Variants in RPS6KC1 observed in about 807,000 individuals in gnomAD.
The protein encoded by RPS6KC1 is ribosomal protein S6 kinase C1, also known as inactive ribosomal protein S6 kinase delta-1.
In RPS6KC1, 54 loss-of-function variants were observed where a neutral mutation model predicts 103.8. That is an observed-to-expected ratio of 0.52 (90% CI 0.42 to 0.65). The LOEUF (loss-of-function observed/expected upper bound fraction) is 0.65. Among genes scored for constraint, RPS6KC1 ranks in the 30% least tolerant of loss-of-function variants. RPS6KC1 has a pLI of 0.00. For missense variants in RPS6KC1, 1,151 were observed against 1,253.8 expected, an observed-to-expected ratio of 0.92 and a Z score of 1.24; for synonymous variants, 439 against 438.7, an observed-to-expected ratio of 1.00 and a Z score of -0.01.
the RPS6KC1 span, among the ~76,000 whole-genome samples, chr1:213,431,679 G>T: frequency 6.6e-6 from 1 of 151,808 alleles, no homozygotes; most frequent in African/African-American, 2.4e-5. Flanking sequence ...GTGTGTGTGT[G>T]TGTGTGTTAC....
At chr1:213,685,593 A>G in the RPS6KC1 span, among the ~76,000 whole-genome samples, 2 of 151,292 alleles carry the variant, frequency 1.3e-5, no homozygotes, top group Admixed American at 1.3e-4. Context: ...TTGTGCCACT[A>G]CACTGTAGCC....
chr1:213,456,184 G>A, the RPS6KC1 span, among the ~76,000 whole-genome samples: 1 of 152,268 alleles, frequency 6.6e-6, no homozygotes, highest in African/African-American at 2.4e-5. Flanking sequence ...TGTGCGTCCC[G>A]TGCAGCATGT....
chr1:213,520,061 T>C, the RPS6KC1 span, among the ~76,000 whole-genome samples: 8,182 of 152,232 alleles, frequency 0.054, 361 homozygotes, highest in African/African-American at 0.13. Context: ...TCCAAACCAA[T>C]GGTGGTTCTT....
rs2082299815 is a variant in RPS6KC1, at chr1:213,104,574, G to A, written c.378+5G>A. On this transcript the variant is annotated splice_donor_5th_base_variant and intron_variant, in intron 4 of 14. Coordinates refer to ENST00000366960, the MANE Select transcript of RPS6KC1 (RefSeq NM_012424.6). ...CAGCTTGAAGACTTTTTCAAGGTTT[G>A]GTAGTCTTTCTGGAATATTTTATAT... is the stretch of plus-strand genomic sequence containing the variant. 1 of 1,481,236 alleles carries A rather than the reference G, an allele frequency of 6.8e-7. No homozygotes were observed. Among genetic ancestry groups the A allele is most frequent in the Non-Finnish European group, 9.3e-7 (1 of 1,073,392 alleles). 91.8% of individuals were successfully genotyped at this position (1,481,236 alleles called of 1,614,324 possible). A position where few individuals can be genotyped will look rare whatever the true frequency, so the allele number is the denominator to read the frequency against.
At chr1:213,419,875 C>G in the RPS6KC1 span, among the ~76,000 whole-genome samples, 1 of 152,218 alleles carries the variant, frequency 6.6e-6, no homozygotes, top group Non-Finnish European at 1.5e-5. Flanking sequence ...CTGCACAGCA[C>G]AGCAGGGTCT....
chr1:213,101,141 G>A (rs536088515), intron 3 of RPS6KC1, among the ~76,000 whole-genome samples: 1 of 152,214 alleles, frequency 6.6e-6, no homozygotes, highest in South Asian at 2.1e-4. Context: ...ATGAGGTGGT[G>A]TCTCATTATG....
intron 8 of RPS6KC1, among the ~76,000 whole-genome samples, chr1:213,189,496 C>G (rs894875505): frequency 6.8e-6 from 1 of 146,342 alleles, no homozygotes. Context: ...CCTCACACTT[C>G]TTAAATTTTT....
intron 1 of RPS6KC1, among the ~76,000 whole-genome samples, chr1:213,065,255 T>C (rs1051137172): frequency 6.6e-6 from 1 of 151,826 alleles, no homozygotes; most frequent in South Asian, 2.1e-4. Context: ...GATTACAGGC[T>C]TGAGCCATCG....
chr1:213,363,362 T>C, the RPS6KC1 span, among the ~76,000 whole-genome samples: 1 of 152,176 alleles, frequency 6.6e-6, no homozygotes, highest in Non-Finnish European at 1.5e-5. Context: ...TCACAAGAAG[T>C]CTGGTGGTAT....
At chr1:213,322,501 A>G in the RPS6KC1 span, among the ~76,000 whole-genome samples, 1 of 152,216 alleles carries the variant, frequency 6.6e-6, no homozygotes, top group African/African-American at 2.4e-5. Flanking sequence ...ACCAGTAAGA[A>G]GGGTGTATTA....
chr1:213,644,309 T>G, the RPS6KC1 span, among the ~76,000 whole-genome samples: 10 of 152,222 alleles, frequency 6.6e-5, no homozygotes, highest in East Asian at 1.9e-3. Context: ...GTCTTCTCCA[T>G]TATCAACATC....
chr1:213,195,534 T>C (rs542007317), intron 8 of RPS6KC1, among the ~76,000 whole-genome samples: 1 of 152,196 alleles, frequency 6.6e-6, no homozygotes, highest in Non-Finnish European at 1.5e-5. Flanking sequence ...TTAGTGGTGA[T>C]TTCTGAGATT....
At chr1:213,449,265 C>T in the RPS6KC1 span, among the ~76,000 whole-genome samples, 1 of 151,644 alleles carries the variant, frequency 6.6e-6, no homozygotes, top group Non-Finnish European at 1.5e-5. Flanking sequence ...AGTCTATTTC[C>T]ACAAAATTTC....
At chr1:213,115,946 A>G (rs896265579) in intron 4 of RPS6KC1, among the ~76,000 whole-genome samples, 101 of 152,098 alleles carry the variant, frequency 6.6e-4, no homozygotes, top group Non-Finnish European at 2.1e-4. Flanking sequence ...GTTCTTTTAC[A>G]TTTGCTGAGG....
intron 8 of RPS6KC1, among the ~76,000 whole-genome samples, chr1:213,214,626 C>A (rs574286888): frequency 1.9e-4 from 29 of 152,318 alleles, no homozygotes; most frequent in Middle Eastern, 3.4e-3. Flanking sequence ...AGGCACCCCC[C>A]AGTAGGGGCA....
the RPS6KC1 span, among the ~76,000 whole-genome samples, chr1:213,584,065 C>A: frequency 6.6e-6 from 1 of 152,060 alleles, no homozygotes; most frequent in South Asian, 2.1e-4. Flanking sequence ...TTCCCCCATA[C>A]TATTCTCATG....
At chr1:213,124,375 A>T (rs1363091180) in intron 5 of RPS6KC1, among the ~76,000 whole-genome samples, 2 of 152,174 alleles carry the variant, frequency 1.3e-5, no homozygotes, top group African/African-American at 4.8e-5. Context: ...GTCAAATGTC[A>T]GTGATTGCCC....
At chr1:213,431,731 T>A in the RPS6KC1 span, among the ~76,000 whole-genome samples, 19 of 152,024 alleles carry the variant, frequency 1.2e-4, no homozygotes, top group Non-Finnish European at 2.5e-4. Flanking sequence ...GAGTTGTTTT[T>A]GAGTTTTTGG....
chr1:213,499,235 T>C, the RPS6KC1 span, among the ~76,000 whole-genome samples: 1 of 152,152 alleles, frequency 6.6e-6, no homozygotes, highest in Non-Finnish European at 1.5e-5. Flanking sequence ...ACTAGAGGTA[T>C]ACAACTGGAA....
Sources: allele counts gnomAD v4.1 joint callset (sites outside exome capture counted in the v4.1 genomes callset), GRCh38; gene constraint gnomAD v4.1.1; transcripts MANE v1.5; gene names NCBI Gene and HGNC (gene_info 2026-07-23, HGNC 2026-07-21).